DYRK4: variants seen among roughly 807,000 people sequenced by gnomAD.
The protein encoded by DYRK4 is dual specificity tyrosine phosphorylation regulated kinase 4, also known as dual specificity tyrosine-phosphorylation-regulated kinase 4.
DYRK4 carries 64 observed loss-of-function variants against 68.3 expected under a neutral mutation model. That is an observed-to-expected ratio of 0.94 (90% CI 0.77 to 1.15). The LOEUF (loss-of-function observed/expected upper bound fraction) is 1.15, where lower values mean the gene tolerates loss of function less well. Among genes scored for constraint, DYRK4 ranks in the 50% most tolerant of loss-of-function variants. DYRK4 has a pLI of 0.00. For synonymous variants in DYRK4, 274 were observed against 289.9 expected, an observed-to-expected ratio of 0.95 and a Z score of 0.56; for missense variants, 740 against 764.7, an observed-to-expected ratio of 0.97 and a Z score of 0.38.
intron 2 of DYRK4, among the ~76,000 whole-genome samples, chr12:4,569,504 A>G (rs1048111765): frequency 7.2e-5 from 11 of 152,212 alleles, no homozygotes; most frequent in Admixed American, 5.9e-4. Context: ...AGCAAGTGCT[A>G]TTATTATCCC....
rs150150985 is a variant in DYRK4, at chr12:4,599,100, T to C, written c.978T>C (p.Thr326=). ...GTCTGTCCATAGTTCGGCGCTTCACTCTCTCTGTTTTGAAGTGCTTGCAGA... is the reference window on the plus strand; with the variant it reads ...GTCTGTCCATAGTTCGGCGCTTCACCCTCTCTGTTTTGAAGTGCTTGCAGA... ...GFSLSIVRRF[T]LSVLKCLQML... The change falls in exon 9 of 15, where the codon ACT becomes ACC. Residue 326 remains threonine (T), a synonymous_variant. Transcript: ENST00000543431. The C allele has an allele frequency of 7.6e-5, 122 of 1,613,144 alleles. No individual in the cohort carries two copies. Among genetic ancestry groups the C allele is most frequent in the Non-Finnish European group, 9.4e-5 (111 of 1,179,950 alleles).
chr12:4,566,273 C>T (rs1456475279), intron 1 of DYRK4, among the ~76,000 whole-genome samples: 1 of 152,202 alleles, frequency 6.6e-6, no homozygotes, highest in African/African-American at 2.4e-5. Context: ...AGCATAGCCA[C>T]GCAGGCTCCA....
rs1944974921 is a variant in DYRK4 at position 4,593,043 on chromosome 12, C to T, written c.505C>T (p.Gln169Ter). The change falls in exon 6 of 15, where the codon CAA (glutamine) becomes TAA (stop). Residue 169 changes from glutamine to a stop codon, truncating the protein, a stop_gained. Transcript: ENST00000543431. LOFTEE classifies it high-confidence loss of function. ...LFKNQLSPYEQSEILGYAELW... is the reference protein window; with the variant it reads ...LFKNQLSPYE ...TAAGAACCAGCTGTCTCCATATGAA[C>T]AAAGTGAAATCCTGGGCTACGCGGA... is the stretch of plus-strand genomic sequence containing the variant. The T allele has an allele frequency of 6.2e-7, 1 of 1,614,174 alleles. No individual in the cohort carries two copies. The highest frequency in any genetic ancestry group is 1.3e-5 in the African/African-American group (1 of 75,032).
At position 4,613,389 on chromosome 12, in the gene DYRK4, A is replaced by G; in HGVS notation, c.1667-126A>G. 8.0e-7 allele frequency: 1 copy of G among 1,257,840 alleles called. No individual in the cohort carries two copies. Among genetic ancestry groups the G allele is most frequent in the Non-Finnish European group, 1.1e-6 (1 of 918,614 alleles). The allele number at this position is 1,257,840 out of a possible 1,614,324, so 77.9% of individuals were successfully genotyped here. On this transcript the variant is annotated intron_variant, in intron 14 of 14. Coordinates refer to ENST00000543431, the MANE Select transcript of DYRK4 (RefSeq NM_001394779.1). The surrounding 1 kb of genome is among the most constrained non-coding windows in gnomAD (Gnocchi z 4.0). ...ATGCCCGGCACATTGGAGGTGCTTT[A>G]CAAATGAACTGTTTTTATATCATCA...
intron 2 of DYRK4, among the ~76,000 whole-genome samples, chr12:4,579,482 C>G (rs919006302): frequency 6.6e-6 from 1 of 152,102 alleles, no homozygotes; most frequent in Non-Finnish European, 1.5e-5. Context: ...CACTTTAGTA[C>G]TGTCACATGG....
intron 1 of DYRK4, chr12:4,562,929 T>A (rs977563005): frequency 2.7e-6 from 1 of 369,794 alleles, no homozygotes; most frequent in African/African-American, 2.1e-5. Context: ...TTTTAAAGGC[T>A]ATTCTGTGAC....
intron 2 of DYRK4, among the ~76,000 whole-genome samples, chr12:4,573,645 A>G (rs1944755142): frequency 6.6e-6 from 1 of 152,106 alleles, no homozygotes; most frequent in African/African-American, 2.4e-5. Flanking sequence ...GTGTTATAGC[A>G]GTGTTTGTTT....
In DYRK4 at chr12:4,562,276, G is replaced by A. The variant is rs1298070912; in HGVS notation, c.31G>A (p.Gly11Arg). The stretch of plus-strand genomic sequence containing the variant: ...GCTCCTCCCGCCGCCTATCCGCACC[G>A]GAACAAAGTAAGGGCCGCGGAGGCT... MQLLPPPIRT[G>R]TKTQMDAKKP... The change falls in exon 1 of 15, where the codon GGA becomes AGA. Residue 11 changes from glycine to arginine, a missense_variant. Around this residue, in one of 3 missense-constraint regions of DYRK4, gnomAD observed 70 missense variants for 71.1 expected, o/e 0.98. Coordinates refer to ENST00000543431, the MANE Select transcript of DYRK4 (RefSeq NM_001394779.1). 8 of 1,532,268 alleles carry A rather than the reference G, an allele frequency of 5.2e-6. No homozygotes were observed. Among genetic ancestry groups the A allele is most frequent in the African/African-American group, 1.4e-5 (1 of 72,860 alleles). The allele number at this position is 1,532,268 out of a possible 1,614,324, so 94.9% of individuals were successfully genotyped here.
intron 8 of DYRK4, among the ~76,000 whole-genome samples, chr12:4,597,817 A>T (rs1945035514): frequency 6.6e-6 from 1 of 152,120 alleles, no homozygotes; most frequent in African/African-American, 2.4e-5. Context: ...AGGTGGGTGG[A>T]TCACTTGAGG....
At chr12:4,611,608 A>G (rs1012376635) in intron 13 of DYRK4, among the ~76,000 whole-genome samples, 1 of 152,156 alleles carries the variant, frequency 6.6e-6, no homozygotes, top group Admixed American at 6.5e-5. Flanking sequence ...GAAAGGAGAG[A>G]TGTTGTTTAA....
chr12:4,575,299 C>CGTGTGTGTGTGTGTGTGTGTG (rs1555120909), intron 2 of DYRK4, among the ~76,000 whole-genome samples: 2 of 148,862 alleles, frequency 1.3e-5, no homozygotes, highest in Admixed American at 6.7e-5. Flanking sequence ...CAATAACTTA[C>CGTGTGTGTGTGTGTGTGTGTG]TGTGTGTGTG....
chr12:4,596,369 C>T, intron 7 of DYRK4, 84 bp downstream of exon 7: 1 of 1,584,208 alleles, frequency 6.3e-7, no homozygotes, highest in Non-Finnish European at 8.6e-7. Flanking sequence ...CCTGACTGTG[C>T]CTCTCCCTCC....
At chr12:4,602,992 G>C in intron 10 of DYRK4, 2 of 895,990 alleles carry the variant, frequency 2.2e-6, no homozygotes, top group Non-Finnish European at 1.8e-6. Context: ...TATCATTCAC[G>C]GGTTCTTGAT....
At chr12:4,601,280 T>C (rs780232667) in intron 10 of DYRK4, among the ~76,000 whole-genome samples, 2 of 152,226 alleles carry the variant, frequency 1.3e-5, no homozygotes, top group Non-Finnish European at 2.9e-5. Context: ...GAATTCATAT[T>C]ATCTTTTGGG....
At position 4,589,778 on chromosome 12, in the gene DYRK4, C is replaced by G. The variant is rs183879351; in HGVS notation, c.214-552C>G. On this transcript the variant is annotated intron_variant, in intron 3 of 14. Coordinates refer to ENST00000543431, the MANE Select transcript of DYRK4 (RefSeq NM_001394779.1). ...AAATTTTAGCTCTTCTGACCTCTCT[C>G]CTGATTAATCAGTCAATCAGTCAGT... is the stretch of plus-strand genomic sequence containing the variant. 3.9e-4 allele frequency among the ~76,000 whole-genome samples: 59 copies of G among 152,322 alleles called. 1 individual carries two copies. Among genetic ancestry groups the G allele is most frequent in the Admixed American group, 3.7e-3 (57 of 15,294 alleles).
intron 2 of DYRK4, among the ~76,000 whole-genome samples, chr12:4,568,958 G>C (rs1023324083): frequency 2.0e-5 from 3 of 152,210 alleles, no homozygotes; most frequent in African/African-American, 7.2e-5. Context: ...TTTGACTTCT[G>C]AATCCTGCCT....
chr12:4,613,851 T>G lies in DYRK4; in HGVS notation c.*98T>G. 7.4e-7 allele frequency: 1 copy of G among 1,350,038 alleles called. No individual in the cohort carries two copies. Among genetic ancestry groups the G allele is most frequent in the South Asian group, 2.5e-5 (1 of 39,374 alleles). The allele number at this position is 1,350,038 out of a possible 1,614,324, so 83.6% of individuals were successfully genotyped here. On this transcript the variant is annotated 3_prime_UTR_variant, in exon 15 of 15. Coordinates refer to ENST00000543431, the MANE Select transcript of DYRK4 (RefSeq NM_001394779.1). The surrounding 1 kb of genome is among the most constrained non-coding windows in gnomAD (Gnocchi z 4.0). Reference sequence around the variant, plus strand: ...CTTCAGACTGTTTTTTTTAAATACATAAAACTTTATGTTAAAAAACTCTAT... The same window carrying G: ...CTTCAGACTGTTTTTTTTAAATACAGAAAACTTTATGTTAAAAAACTCTAT...
At position 4,613,546 on chromosome 12, in the gene DYRK4, A is replaced by G. The variant is rs757136364; in HGVS notation, c.1698A>G (p.Thr566=). The G allele has an allele frequency of 1.9e-6, 3 of 1,613,900 alleles. No individual in the cohort carries two copies. Among genetic ancestry groups the G allele is most frequent in the Admixed American group, 1.7e-5 (1 of 60,018 alleles). Residue 566 remains threonine, a synonymous_variant, in exon 15 of 15, where the codon ACA becomes ACG. Coordinates refer to ENST00000543431, the MANE Select transcript of DYRK4 (RefSeq NM_001394779.1). The surrounding 1 kb of genome is among the most constrained non-coding windows in gnomAD (Gnocchi z 4.0). Reference sequence around the variant, plus strand: ...TCACCAAAGAGACTACAGAGAAAACAAAAGATAGCCCCACGAAGCATGTTC... The same window carrying G: ...TCACCAAAGAGACTACAGAGAAAACGAAAGATAGCCCCACGAAGCATGTTC... ...DEITKETTEK[T]KDSPTKHVQH...
In DYRK4 at chr12:4,591,320, A is replaced by G; in HGVS notation, c.463+22A>G. 1.2e-6 allele frequency: 2 copies of G among 1,612,050 alleles called. No individual in the cohort carries two copies. ...GCAGGTATGCCTTTGGGGCAGTAGC[A>G]GGGTGGGGAGGTGCTTATGGAAGGT... is the stretch of plus-strand genomic sequence containing the variant. On this transcript the variant is annotated intron_variant, in intron 5 of 14. Coordinates refer to ENST00000543431, the MANE Select transcript of DYRK4 (RefSeq NM_001394779.1). The surrounding 1 kb of genome is among the most constrained non-coding windows in gnomAD (Gnocchi z 4.1).
Sources: gnomAD v4.1 joint callset for allele counts (sites outside exome capture counted in the v4.1 genomes callset) on GRCh38, gnomAD v4.1.1 for gene constraint, gnomAD v4.1.1 regional missense constraint, Gnocchi (gnomAD v3.1) non-coding constraint, MANE v1.5 for transcripts, NCBI Gene and HGNC (gene_info 2026-07-23, HGNC 2026-07-21) for gene names.